Variants in USP28 observed in about 807,000 individuals in gnomAD.
USP28 encodes ubiquitin carboxyl-terminal hydrolase 28.
In USP28, 113 loss-of-function variants were observed where a neutral mutation model predicts 145.0. The observed-to-expected ratio is 0.78, with a 90% CI of 0.67 to 0.91. The LOEUF is 0.91. USP28 is among the 40% of genes least tolerant of loss of function. The pLI is 0.00. For synonymous variants in USP28, 447 were observed against 450.9 expected (o/e 0.99, Z 0.11); for missense variants, 1,201 against 1,289.6 (o/e 0.93, Z 1.05).
At chr11:113,815,844 C>T (rs1941653973) in intron 13 of USP28, among the ~76,000 whole-genome samples, 1 of 152,072 alleles carries the variant, frequency 6.6e-6, no homozygotes, top group South Asian at 2.1e-4. Context: ...CTTCCTGGAA[C>T]AAAATACACA....
At chr11:113,830,917 G>A (rs2135939513) in exon 9 of USP28, 1 of 1,613,978 alleles carries the variant, frequency 6.2e-7, no homozygotes, top group Non-Finnish European at 8.5e-7. Context: ...CTGCACCATT[G>A]GATTTTCAGA....
intron 15 of USP28, among the ~76,000 whole-genome samples, chr11:113,812,929 G>C (rs945847833): frequency 3.3e-5 from 5 of 152,156 alleles, no homozygotes; most frequent in Non-Finnish European, 5.9e-5. Context: ...CAAAATTTAA[G>C]TTAACATATT....
intron 16 of USP28, among the ~76,000 whole-genome samples, chr11:113,809,579 A>G (rs571895399): frequency 2.0e-4 from 31 of 152,240 alleles, no homozygotes; most frequent in Admixed American, 5.2e-4. Flanking sequence ...AAAGGCTCAT[A>G]AAGTTTTGTG....
intron 19 of USP28, 151 bp downstream of exon 20, chr11:113,806,338 G>A: frequency 1.6e-6 from 1 of 616,106 alleles, no homozygotes; most frequent in Non-Finnish European, 2.8e-6. Flanking sequence ...GAGCTCAAGT[G>A]AGCCTCTACT....
At chr11:113,848,947 G>A (rs1946162442) in intron 3 of USP28, among the ~76,000 whole-genome samples, 1 of 152,128 alleles carries the variant, frequency 6.6e-6, no homozygotes, top group Admixed American at 6.5e-5. Flanking sequence ...TTGGACTAGA[G>A]AATTACCACT....
At chr11:113,817,510 C>T (rs1297497836) in intron 13 of USP28, 148 bp downstream of exon 13, 1 of 890,626 alleles carries the variant, frequency 1.1e-6, no homozygotes, top group Non-Finnish European at 1.7e-6. Context: ...ACCCAAGTGA[C>T]AGTCAGCAAA....
chr11:113,809,191 T>C, exon 17 of USP28: 1 of 1,614,262 alleles, frequency 6.2e-7, no homozygotes, highest in Admixed American at 1.7e-5. Flanking sequence ...CTGAATGTAA[T>C]GCTTGAGTTC....
At position 113,804,860 on chromosome 11, in the gene USP28, CTT is replaced by C. The variant is rs779992913; in HGVS notation, c.2579+6_2579+7del. The C allele has an allele frequency of 6.2e-7, 1 of 1,612,190 alleles. No homozygotes were observed. Among genetic ancestry groups the C allele is most frequent in the East Asian group, 2.2e-5 (1 of 44,874 alleles). On this transcript the variant is annotated splice_donor_region_variant and intron_variant, in intron 20 of 24. Transcript: ENST00000003302. ...ACCAAGGGATTCACCTGAATATTCT[CTT>C]CTCACCTTTCATCATAGCTAAGATT...
At chr11:113,817,765 A>T in exon 13 of USP28, 4 of 1,614,242 alleles carry the variant, frequency 2.5e-6, no homozygotes, top group Non-Finnish European at 3.4e-6. Flanking sequence ...GTTTTGTACT[A>T]GCAAATTCAA....
exon 20 of USP28, chr11:113,804,908 G>A (rs528373667): frequency 1.7e-5 from 27 of 1,614,176 alleles, no homozygotes; most frequent in Admixed American, 1.3e-4. Context: ...AACTGTTCCA[G>A]AAGGGTTCGT....
intron 12 of USP28, among the ~76,000 whole-genome samples, chr11:113,818,896 C>T (rs906631183): frequency 8.0e-4 from 115 of 143,978 alleles, no homozygotes; most frequent in Non-Finnish European, 1.3e-3. Flanking sequence ...AAAAAAAAAA[C>T]AAAGAAGACA....
intron 3 of USP28, among the ~76,000 whole-genome samples, chr11:113,850,773 G>A (rs190592731): frequency 6.6e-6 from 1 of 152,170 alleles, no homozygotes; most frequent in East Asian, 1.9e-4. Flanking sequence ...CCACTCCCTT[G>A]GAGAGCTCCT....
chr11:113,837,361 G>A (rs576382044), intron 5 of USP28, among the ~76,000 whole-genome samples: 1 of 152,234 alleles, frequency 6.6e-6, no homozygotes, highest in Non-Finnish European at 1.5e-5. Context: ...AGATCTCTCG[G>A]CTTCTTGGGC....
At chr11:113,851,205 C>T (rs770657858) in intron 3 of USP28, among the ~76,000 whole-genome samples, 3 of 152,170 alleles carry the variant, frequency 2.0e-5, no homozygotes, top group Non-Finnish European at 4.4e-5. Context: ...ACTACCTCCT[C>T]CCCCACATTC....
chr11:113,808,046 ACT>A (rs1940318250), intron 18 of USP28: 1 of 1,318,846 alleles, frequency 7.6e-7, no homozygotes. Context: ...TGGGCAGTAG[ACT>A]CTGCATCATT....
chr11:113,864,939 C>A (rs951704102), intron 1 of USP28, among the ~76,000 whole-genome samples: 1 of 152,066 alleles, frequency 6.6e-6, no homozygotes, highest in Non-Finnish European at 1.5e-5. Flanking sequence ...TAAGCTCAAG[C>A]GATCCTCCCT....
intron 1 of USP28, among the ~76,000 whole-genome samples, chr11:113,863,951 A>G (rs1591487856): frequency 6.7e-6 from 1 of 149,292 alleles, no homozygotes; most frequent in African/African-American, 2.5e-5. Context: ...TCTCGAAAAA[A>G]AAAATTGCTG....
chr11:113,817,506 G>C, intron 13 of USP28, 152 bp downstream of exon 13: 2 of 870,784 alleles, frequency 2.3e-6, no homozygotes, highest in South Asian at 1.9e-5. Flanking sequence ...TCCCACCCAA[G>C]TGACAGTCAG....
chr11:113,807,944 T>G lies in USP28; in HGVS notation c.2304+354A>C. On this transcript the variant is annotated intron_variant, in intron 18 of 24. Transcript: ENST00000003302. ...CAAACAACTATATCCTGCACTCATC[T>G]CTGTACCTCCTCATCATATCCATCT... 9.1e-7 allele frequency: 1 copy of G among 1,096,988 alleles called. No homozygotes were observed. The highest frequency in any genetic ancestry group is 1.1e-6 in the Non-Finnish European group (1 of 891,938). 68.0% of individuals were successfully genotyped at this position (1,096,988 alleles called of 1,614,324 possible). A position where few individuals can be genotyped will look rare whatever the true frequency, so the allele number is the denominator to read the frequency against.
Sources: allele counts gnomAD v4.1 joint callset (sites outside exome capture counted in the v4.1 genomes callset), GRCh38; gene constraint gnomAD v4.1.1; transcripts MANE v1.5; gene names NCBI Gene and HGNC (gene_info 2026-07-23, HGNC 2026-07-21).